The following KCNAB1 variants were observed in gnomAD, a reference collection of about 807,000 sequenced individuals.
The protein encoded by KCNAB1 is potassium voltage-gated channel subfamily A regulatory beta subunit 1.
KCNAB1 carries 35 observed loss-of-function variants against 64.6 expected under a neutral mutation model. The ratio of observed to expected loss-of-function variants is 0.54; its 90% CI spans 0.41 to 0.72. The LOEUF (loss-of-function observed/expected upper bound fraction) is 0.72, where lower values mean the gene tolerates loss of function less well. Ranked by LOEUF, KCNAB1 falls within the 30% of genes least tolerant of loss-of-function variation. The probability of loss-of-function intolerance (pLI) is 0.00; values close to 1 mark genes in which losing one functional copy is unlikely to be tolerated. For missense variants in KCNAB1, 401 were observed against 512.9 expected (o/e 0.78, Z 2.11); for synonymous variants, 177 against 183.8 (o/e 0.96, Z 0.30).
chr3:156,291,418 G>T lies in KCNAB1; in HGVS notation c.276-130198G>T, dbSNP rs748354094. On this transcript the variant is annotated intron_variant, in intron 1 of 13. Coordinates refer to ENST00000490337, the MANE Select transcript of KCNAB1 (RefSeq NM_172160.3). ...CGCGCGCCAGTTGAGCATCCTGCCT[G>T]TGGTCCAGGGGATGCTGGCGGCGCA... The T allele has an allele frequency of 1.0e-5, 10 of 1,000,888 alleles. No individual in the cohort carries two copies. The South Asian group carries it at 2.2e-4, about 22-fold the overall frequency. The allele number at this position is 1,000,888 out of a possible 1,614,324, so 62.0% of individuals were successfully genotyped here. A position where few individuals can be genotyped will look rare whatever the true frequency, so the allele number is the denominator to read the frequency against.
In KCNAB1 at chr3:156,120,637, C is replaced by T. The variant is rs370498904; in HGVS notation, c.26C>T (p.Ala9Val). MLAARTGA[A>V]GSQISEENTK... Reference sequence around the variant, plus strand: ...ATGCTGGCAGCCCGGACAGGGGCAGCGGGGAGTCAGATCTCAGAGGAGAAC... The same window carrying T: ...ATGCTGGCAGCCCGGACAGGGGCAGTGGGGAGTCAGATCTCAGAGGAGAAC... Residue 9 changes from alanine to valine, a missense_variant, in exon 1 of 14, where the codon GCG becomes GTG. Transcript: ENST00000490337. The T allele has an allele frequency of 6.2e-5, 100 of 1,614,046 alleles. No individual in the cohort carries two copies. The highest frequency in any genetic ancestry group is 8.3e-5 in the Non-Finnish European group (98 of 1,180,044).
chr3:156,329,365 A>C (rs2108041572), intron 1 of KCNAB1, among the ~76,000 whole-genome samples: 1 of 152,234 alleles, frequency 6.6e-6, no homozygotes, highest in South Asian at 2.1e-4. Context: ...GTGGGGGAGC[A>C]GGGGATGATT....
At chr3:156,410,069 A>G (rs1714537257) in intron 1 of KCNAB1, among the ~76,000 whole-genome samples, 1 of 152,208 alleles carries the variant, frequency 6.6e-6, no homozygotes, top group Non-Finnish European at 1.5e-5. Context: ...ACCAAAACCA[A>G]TGTTCTGGCA....
At chr3:156,413,088 A>C in intron 1 of KCNAB1, among the ~76,000 whole-genome samples, 1 of 152,178 alleles carries the variant, frequency 6.6e-6, no homozygotes, top group East Asian at 1.9e-4. Flanking sequence ...CCCAAACTCT[A>C]AGGTTGCAAA....
chr3:156,162,616 A>T (rs1716149160), intron 1 of KCNAB1, among the ~76,000 whole-genome samples: 1 of 152,164 alleles, frequency 6.6e-6, no homozygotes, highest in South Asian at 2.1e-4. Flanking sequence ...TAGACCTGTG[A>T]TGTCTGTGAA....
At chr3:156,456,983 A>G (rs2108286851) in intron 3 of KCNAB1, 1 of 155,416 alleles carries the variant, frequency 6.4e-6, no homozygotes, top group East Asian at 1.9e-4. Flanking sequence ...TGTGGGTGGC[A>G]GGAGTTTTAC....
chr3:156,528,104 C>T (rs1483092407), intron 12 of KCNAB1, among the ~76,000 whole-genome samples: 2 of 151,286 alleles, frequency 1.3e-5, no homozygotes, highest in African/African-American at 2.4e-5. Context: ...TTACCTAGAA[C>T]CTGCTTTGTC....
At chr3:156,163,022 T>C (rs1381480162) in intron 1 of KCNAB1, among the ~76,000 whole-genome samples, 1 of 152,252 alleles carries the variant, frequency 6.6e-6, no homozygotes. Flanking sequence ...AAATTGCTTT[T>C]AAAATTCAAG....
At chr3:156,463,024 G>A (rs1285087840) in intron 5 of KCNAB1, among the ~76,000 whole-genome samples, 1 of 152,124 alleles carries the variant, frequency 6.6e-6, no homozygotes, top group African/African-American at 2.4e-5. Flanking sequence ...TTGAGTTAAG[G>A]ACTTTAGGAC....
rs1234832173 is a variant in KCNAB1, at chr3:156,375,911, C to T, written c.276-45705C>T. On this transcript the variant is annotated intron_variant, in intron 1 of 13. Coordinates refer to ENST00000490337, the MANE Select transcript of KCNAB1 (RefSeq NM_172160.3). ...CTCGGCTCATTGCAACCATCCCCTC[C>T]TGGGTTTAAGCAATTCTCCTGCCTC... 2.0e-5 allele frequency among the ~76,000 whole-genome samples: 3 copies of T among 152,000 alleles called. 1 individual carries two copies. Among genetic ancestry groups the T allele is most frequent in the Non-Finnish European group, 4.4e-5 (3 of 68,006 alleles).
Position 156,153,355 on chromosome 3 carries a change from C to CTCA in KCNAB1, c.275+32474_275+32476dup, listed in dbSNP as rs200774579. 6.6e-3 allele frequency among the ~76,000 whole-genome samples: 1,006 copies of CTCA among 152,322 alleles called. 15 individuals carry two copies. Among genetic ancestry groups the CTCA allele is most frequent in the African/African-American group, 0.023 (956 of 41,562 alleles). ...GATGCTTTGAGGTGACCATATCATG[C>CTCA]TCATCATGGCATAGCCCACTGTATG... On this transcript the variant is annotated intron_variant, in intron 1 of 13. Transcript: ENST00000490337.
chr3:156,145,616 A>C (rs1320516949), intron 1 of KCNAB1, among the ~76,000 whole-genome samples: 3 of 152,182 alleles, frequency 2.0e-5, no homozygotes, highest in African/African-American at 7.2e-5. Context: ...TTAAAAAAAC[A>C]ACCTCTGTTA....
At chr3:156,300,557 A>C (rs574422462) in intron 1 of KCNAB1, among the ~76,000 whole-genome samples, 1 of 152,364 alleles carries the variant, frequency 6.6e-6, no homozygotes, top group Admixed American at 6.5e-5. Flanking sequence ...AAGATTGGCT[A>C]ATAACAGAAA....
chr3:156,229,276 T>C (rs1716374447), intron 1 of KCNAB1, among the ~76,000 whole-genome samples: 1 of 152,082 alleles, frequency 6.6e-6, no homozygotes, highest in Non-Finnish European at 1.5e-5. Flanking sequence ...CTTATAATTA[T>C]GGTGGAAGGC....
At chr3:156,476,122 G>C in intron 8 of KCNAB1, among the ~76,000 whole-genome samples, 1 of 152,222 alleles carries the variant, frequency 6.6e-6, no homozygotes, top group East Asian at 1.9e-4. Context: ...AGGATAATAT[G>C]ACGTTATTCA....
intron 1 of KCNAB1, among the ~76,000 whole-genome samples, chr3:156,137,796 T>A (rs1287405209): frequency 1.3e-5 from 2 of 151,528 alleles, no homozygotes; most frequent in Admixed American, 6.6e-5. Context: ...CCTCAGATGA[T>A]CCACCTACCT....
intron 3 of KCNAB1, among the ~76,000 whole-genome samples, chr3:156,453,870 C>T (rs1411155270): frequency 6.6e-6 from 1 of 152,204 alleles, no homozygotes; most frequent in Admixed American, 6.5e-5. Flanking sequence ...CAATAAAATG[C>T]TCTAACCCTC....
intron 1 of KCNAB1, among the ~76,000 whole-genome samples, chr3:156,193,658 A>G (rs190403715): frequency 6.6e-6 from 1 of 152,232 alleles, no homozygotes; most frequent in African/African-American, 2.4e-5. Context: ...AGCCCCTTAT[A>G]AAACCATCAG....
At chr3:156,476,719 A>G (rs1302343429) in intron 8 of KCNAB1, among the ~76,000 whole-genome samples, 1 of 152,110 alleles carries the variant, frequency 6.6e-6, no homozygotes, top group African/African-American at 2.4e-5. Context: ...GAATATTCAC[A>G]CTGTTTTCCA....
Sources: allele counts gnomAD v4.1 joint callset (sites outside exome capture counted in the v4.1 genomes callset), GRCh38; gene constraint gnomAD v4.1.1; transcripts MANE v1.5; gene names NCBI Gene and HGNC (gene_info 2026-07-23, HGNC 2026-07-21).